Variants in MAPKBP1 observed in about 807,000 individuals in gnomAD.
The protein encoded by MAPKBP1 is mitogen-activated protein kinase-binding protein 1.
MAPKBP1 carries 71 observed loss-of-function variants against 170.5 expected under a neutral mutation model. The observed-to-expected ratio is 0.42, with a 90% confidence interval of 0.34 to 0.51. The LOEUF is 0.51. Ranked by LOEUF, MAPKBP1 falls within the 20% of genes least tolerant of loss-of-function variation. The probability of loss-of-function intolerance (pLI) is 0.06; values close to 1 mark genes in which losing one functional copy is unlikely to be tolerated. For missense variants in MAPKBP1, 1,598 were observed against 1,933.0 expected (o/e 0.83, Z 3.25); for synonymous variants, 719 against 757.9 (o/e 0.95, Z 0.84).
In MAPKBP1 at chr15:41,819,300, C is replaced by T. The variant is rs745444322; in HGVS notation, c.2346C>T (p.Asp782=). 31 of 1,614,064 alleles carry T rather than the reference C, an allele frequency of 1.9e-5. No homozygotes were observed. The highest frequency in any genetic ancestry group is 2.4e-5 in the Non-Finnish European group (28 of 1,180,044). Residue 782 remains aspartate (D), a synonymous_variant, in exon 21 of 31, where the codon GAC becomes GAT. Transcript: ENST00000457542. Reference sequence around the variant, plus strand: ...GACCGGCTCTCTCATCAGACAGTGACAAGGAGGGAGAAGATGAGGGGACTG... The same window carrying T: ...GACCGGCTCTCTCATCAGACAGTGATAAGGAGGGAGAAGATGAGGGGACTG... ...SPGPALSSDS[D]KEGEDEGTEE...
chr15:41,815,615 T>C lies in MAPKBP1; in HGVS notation c.1318-9T>C. On this transcript the variant is annotated splice_polypyrimidine_tract_variant and intron_variant, in intron 11 of 30. Coordinates refer to ENST00000457542, the MANE Select transcript of MAPKBP1 (RefSeq NM_014994.3). Reference sequence around the variant, plus strand: ...TGCCTCATCCACCTTTTCTAACCTGTTCCACTAGGACCTCATTAAAATCAT... The same window carrying C: ...TGCCTCATCCACCTTTTCTAACCTGCTCCACTAGGACCTCATTAAAATCAT... 6.2e-7 allele frequency: 1 copy of C among 1,611,240 alleles called. No individual in the cohort carries two copies. Among genetic ancestry groups the C allele is most frequent in the South Asian group, 1.1e-5 (1 of 90,900 alleles).
chr15:41,775,202 T>G lies in MAPKBP1; in HGVS notation c.-74T>G. The G allele has an allele frequency of 8.4e-7, 1 of 1,186,686 alleles. No homozygotes were observed. The highest frequency in any genetic ancestry group is 1.2e-6 in the Non-Finnish European group (1 of 801,572). The allele number at this position is 1,186,686 out of a possible 1,614,324, so 73.5% of individuals were successfully genotyped here. On this transcript the variant is annotated 5_prime_UTR_variant, in exon 2 of 31. Coordinates refer to ENST00000457542, the MANE Select transcript of MAPKBP1 (RefSeq NM_014994.3). ...GGGCATACTGGGAAGCCCTCTGGAG[T>G]GGGAAGACAGTGCCGCTGTTGAGAC...
intron 2 of MAPKBP1, among the ~76,000 whole-genome samples, chr15:41,795,503 G>C (rs941399420): frequency 4.6e-5 from 7 of 152,178 alleles, no homozygotes; most frequent in Non-Finnish European, 8.8e-5. Flanking sequence ...AGCCGGGGTA[G>C]AGTATTTGGA....
At chr15:41,776,087 G>A (rs926002900) in intron 2 of MAPKBP1, among the ~76,000 whole-genome samples, 2 of 152,154 alleles carry the variant, frequency 1.3e-5, no homozygotes, top group Admixed American at 1.3e-4. Context: ...TCTGTGTTTT[G>A]GTCCTTATGC....
At chr15:41,782,563 G>A (rs909962742) in intron 2 of MAPKBP1, among the ~76,000 whole-genome samples, 4 of 152,152 alleles carry the variant, frequency 2.6e-5, no homozygotes, top group Admixed American at 6.5e-5. Flanking sequence ...CTAATGATAA[G>A]AGAGGTCAGG....
intron 2 of MAPKBP1, among the ~76,000 whole-genome samples, chr15:41,784,053 G>A (rs1280942077): frequency 2.0e-5 from 3 of 152,114 alleles, no homozygotes; most frequent in Non-Finnish European, 2.9e-5. Flanking sequence ...CTACTGCTTT[G>A]GAGAAAAGCA....
chr15:41,781,264 C>T (rs796251842), intron 2 of MAPKBP1, among the ~76,000 whole-genome samples: 6 of 151,996 alleles, frequency 3.9e-5, no homozygotes, highest in African/African-American at 1.4e-4. Context: ...TCAGTAGAGA[C>T]AGGATTTCAA....
chr15:41,811,990 G>C lies in MAPKBP1; in HGVS notation c.361G>C (p.Val121Leu). The change falls in exon 6 of 31, where the codon GTG becomes CTG. Residue 121 changes from valine to leucine, a missense_variant. This residue lies in a region of MAPKBP1 where 151 missense variants were observed against 191.4 expected (regional missense o/e 0.79). Coordinates refer to ENST00000457542, the MANE Select transcript of MAPKBP1 (RefSeq NM_014994.3). ...CATGCCTGCCGTGCGGGTTTGGGACGTGGCAGAGCACAGCCAGGTGGCCGA... is the reference window on the plus strand; with the variant it reads ...CATGCCTGCCGTGCGGGTTTGGGACCTGGCAGAGCACAGCCAGGTGGCCGA... The part of the protein sequence containing the change: ...GHMPAVRVWD[V>L]AEHSQVAELQ... The C allele has an allele frequency of 6.2e-7, 1 of 1,614,138 alleles. No individual in the cohort carries two copies. The highest frequency in any genetic ancestry group is 8.5e-7 in the Non-Finnish European group (1 of 1,180,026).
At chr15:41,816,270 A>G (rs1412963875) in intron 12 of MAPKBP1, 1 of 450,342 alleles carries the variant, frequency 2.2e-6, no homozygotes, top group Admixed American at 3.6e-5. Context: ...AGTCAAGAAA[A>G]AGGACATAGT....
intron 2 of MAPKBP1, among the ~76,000 whole-genome samples, chr15:41,776,102 T>G (rs2064093820): frequency 6.6e-6 from 1 of 152,244 alleles, no homozygotes; most frequent in Non-Finnish European, 1.5e-5. Context: ...TTATGCTTTT[T>G]CAACTAAATA....
rs73408960 is a variant in MAPKBP1, at chr15:41,814,167, G to A, written c.981-383G>A. Among the ~76,000 whole-genome samples the A allele has an allele frequency of 7.3e-3, 1,118 of 152,336 alleles. 19 individuals carry two copies. Among genetic ancestry groups the A allele is most frequent in the African/African-American group, 0.026 (1,076 of 41,562 alleles). On this transcript the variant is annotated intron_variant, in intron 9 of 30. Transcript: ENST00000457542. Reference sequence around the variant, plus strand: ...AGGTATGGGGCTAAAGCTGTATTTGGTCAAGAAGCCGCCAGCAGTCATGTA... The same window carrying A: ...AGGTATGGGGCTAAAGCTGTATTTGATCAAGAAGCCGCCAGCAGTCATGTA...
At chr15:41,779,229 G>A (rs756554126) in intron 2 of MAPKBP1, among the ~76,000 whole-genome samples, 31 of 152,038 alleles carry the variant, frequency 2.0e-4, no homozygotes, top group African/African-American at 2.9e-4. Context: ...CATTTTTTTC[G>A]AGACGGAGTC....
chr15:41,799,252 G>A (rs1023918409), intron 2 of MAPKBP1, among the ~76,000 whole-genome samples: 5 of 152,170 alleles, frequency 3.3e-5, no homozygotes, highest in African/African-American at 1.2e-4. Context: ...CCCTGTTTCT[G>A]CCTCCTTGGA....
chr15:41,801,139 T>G (rs2064585977), intron 3 of MAPKBP1, among the ~76,000 whole-genome samples: 1 of 152,266 alleles, frequency 6.6e-6, no homozygotes, highest in African/African-American at 2.4e-5. Flanking sequence ...ACATTTTATC[T>G]ATTCTTCAGT....
rs1315582644 is a variant in MAPKBP1, at chr15:41,819,580, C to A, written c.2426-15C>A. The A allele has an allele frequency of 6.3e-7, 1 of 1,587,246 alleles. No homozygotes were observed. The highest frequency in any genetic ancestry group is 1.4e-5 in the African/African-American group (1 of 72,556). On this transcript the variant is annotated splice_polypyrimidine_tract_variant and intron_variant, in intron 21 of 30. Coordinates refer to ENST00000457542, the MANE Select transcript of MAPKBP1 (RefSeq NM_014994.3). The stretch of plus-strand genomic sequence containing the variant: ...GGGCAGGAGACACTTCCTCTGACTG[C>A]CTGTTTCTGTCTAGCCTCGGTCCCC...
rs750573025 is a variant in MAPKBP1 at position 41,823,744 on chromosome 15, C to G, written c.3896C>G (p.Pro1299Arg). ...GTCCTGGACATCCCCAAACCACTGC[C>G]TGACCGTCCTACCCTGGCTGCATTC... ...HLVLDIPKPL[P>R]DRPTLAAFSP... is the part of the protein sequence containing the mutation. Residue 1299 changes from proline to arginine, a missense_variant, in exon 29 of 31, where the codon CCT (proline) becomes CGT (arginine). Pro to Arg is a moderately radical substitution (Grantham distance 103). Around this residue, in one of 6 missense-constraint regions of MAPKBP1, gnomAD observed 942 missense variants for 953.2 expected, o/e 0.99. Transcript: ENST00000457542. 3.1e-6 allele frequency: 5 copies of G among 1,614,082 alleles called. No homozygotes were observed. The Middle Eastern group carries it at 4.9e-4, about 159-fold the overall frequency.
At chr15:41,794,434 G>A (rs758507171) in intron 2 of MAPKBP1, among the ~76,000 whole-genome samples, 9 of 152,088 alleles carry the variant, frequency 5.9e-5, no homozygotes, top group Non-Finnish European at 1.2e-4. Context: ...TATTTGCTAT[G>A]CAATATTTAA....
In MAPKBP1 at chr15:41,822,994, C is replaced by T. The variant is rs772501011; in HGVS notation, c.3370C>T (p.Pro1124Ser). 1 of 1,614,034 alleles carries T rather than the reference C, an allele frequency of 6.2e-7. No homozygotes were observed. Among genetic ancestry groups the T allele is most frequent in the Non-Finnish European group, 8.5e-7 (1 of 1,179,960 alleles). Reference protein sequence around the residue: ...LALMSRPAQVPQASGEQPRGN... With the variant: ...LALMSRPAQVSQASGEQPRGN... ...ACTGATGTCGAGACCAGCCCAGGTG[C>T]CACAGGCATCTGGTGAGCAGCCGAG... The change falls in exon 28 of 31, where the codon CCA becomes TCA. Residue 1124 changes from proline to serine, a missense_variant. By Grantham distance (74) the Pro-to-Ser change is moderately conservative. Around this residue, in one of 6 missense-constraint regions of MAPKBP1, gnomAD observed 942 missense variants for 953.2 expected, o/e 0.99. Transcript: ENST00000457542.
chr15:41,786,634 G>A (rs1052503753), intron 2 of MAPKBP1, among the ~76,000 whole-genome samples: 9 of 150,222 alleles, frequency 6.0e-5, no homozygotes, highest in African/African-American at 1.7e-4. Flanking sequence ...GCGTGGTGGC[G>A]GGTGCCCGTA....
Sources: gnomAD v4.1 joint callset for allele counts (sites outside exome capture counted in the v4.1 genomes callset) on GRCh38, gnomAD v4.1.1 for gene constraint, gnomAD v4.1.1 regional missense constraint, MANE v1.5 for transcripts, NCBI Gene and HGNC (gene_info 2026-07-23, HGNC 2026-07-21) for gene names.